The following EML4 variants were observed in gnomAD, a reference collection of about 807,000 sequenced individuals.
EML4 encodes EMAP like 4.
A neutral mutation model predicts 129.0 loss-of-function variants in EML4; 72 were observed. That is an observed-to-expected ratio of 0.56 (90% CI 0.46 to 0.68). The LOEUF (loss-of-function observed/expected upper bound fraction) is 0.68, where lower values mean the gene tolerates loss of function less well. Ranked by LOEUF, EML4 falls within the 30% of genes least tolerant of loss-of-function variation. The pLI is 0.00. For missense variants in EML4, 1,363 were observed against 1,190.6 expected, an observed-to-expected ratio of 1.14 and a Z score of -2.13; for synonymous variants, 532 against 405.0, an observed-to-expected ratio of 1.31 and a Z score of -3.77.
chr2:42,228,260 A>G lies in EML4; in HGVS notation c.26-17245A>G, dbSNP rs117826415. ...TATACATGGATTTATATACTTGAAA[A>G]TTGCTAAGAGAGTAGAAAGAATTCT... On this transcript the variant is annotated intron_variant, in intron 1 of 22. Transcript: ENST00000318522. 4.6e-5 allele frequency among the ~76,000 whole-genome samples: 7 copies of G among 152,252 alleles called. No homozygotes were observed. The East Asian group carries it at 1.4e-3, about 29-fold the overall frequency.
At chr2:42,280,132 C>T (rs561900800) in intron 6 of EML4, among the ~76,000 whole-genome samples, 1 of 152,238 alleles carries the variant, frequency 6.6e-6, no homozygotes, top group South Asian at 2.1e-4. Context: ...CATCCAGTAG[C>T]GTGGTAGACA....
At chr2:42,284,963 C>T (rs963535121) in intron 9 of EML4, among the ~76,000 whole-genome samples, 5 of 152,118 alleles carry the variant, frequency 3.3e-5, no homozygotes, top group Admixed American at 6.6e-5. Flanking sequence ...CTGATACGCT[C>T]GTTACATTTT....
At chr2:42,233,133 C>T (rs1482442610) in intron 1 of EML4, among the ~76,000 whole-genome samples, 1 of 152,118 alleles carries the variant, frequency 6.6e-6, no homozygotes, top group Non-Finnish European at 1.5e-5. Context: ...GTTCATAACT[C>T]CTCACATTTA....
chr2:42,272,170 A>C (rs1666409376), intron 6 of EML4, among the ~76,000 whole-genome samples: 1 of 151,916 alleles, frequency 6.6e-6, no homozygotes, highest in African/African-American at 2.4e-5. Context: ...TTCTAGAAGC[A>C]CTTTGAAAAG....
In EML4 at chr2:42,169,391, A is replaced by C. The variant is rs1353433924; in HGVS notation, c.-221A>C. ...CTGCTGCCTGGGAGGGAGGCCGGGC[A>C]GGCGGCTGAGCGGCGCGGCTCTCAA... On this transcript the variant is annotated 5_prime_UTR_variant, in exon 1 of 23. Coordinates refer to ENST00000318522, the MANE Select transcript of EML4 (RefSeq NM_019063.5). 1 of 340,556 alleles carries C rather than the reference A, an allele frequency of 2.9e-6. No individual in the cohort carries two copies. The highest frequency in any genetic ancestry group is 2.2e-5 in the African/African-American group (1 of 46,412). The allele number at this position is 340,556 out of a possible 1,614,324, so 21.1% of individuals were successfully genotyped here.
At chr2:42,256,686 A>G in intron 3 of EML4, 56 bp downstream of exon 3, 2 of 1,593,666 alleles carry the variant, frequency 1.3e-6, no homozygotes, top group Non-Finnish European at 8.6e-7. Flanking sequence ...TGAATGTGGT[A>G]GAGATCTCCC....
chr2:42,191,910 G>T (rs900466666), intron 1 of EML4, among the ~76,000 whole-genome samples: 2 of 152,076 alleles, frequency 1.3e-5, no homozygotes, highest in Admixed American at 6.5e-5. Context: ...TTGGGAGGCT[G>T]AGGTAGGTCA....
chr2:42,326,744 T>TGGTGACGTGCACCTGTAATCCC (rs1669828391), intron 21 of EML4, among the ~76,000 whole-genome samples: 1 of 152,078 alleles, frequency 6.6e-6, no homozygotes, highest in Non-Finnish European at 1.5e-5. Flanking sequence ...TAGCTGGGCG[T>TGGTGACGTGCACCTGTAATCCC]GGTGACGTGC....
rs577912328 is a variant in EML4, at chr2:42,255,443, T to C, written c.209-1058T>C. 6.6e-5 allele frequency among the ~76,000 whole-genome samples: 10 copies of C among 152,274 alleles called. No homozygotes were observed. The East Asian group carries it at 1.9e-3, about 29-fold the overall frequency. On this transcript the variant is annotated intron_variant, in intron 2 of 22. Coordinates refer to ENST00000318522, the MANE Select transcript of EML4 (RefSeq NM_019063.5). ...ATGTTTTGGAACTTGGTAGTGGTGA[T>C]GGTTGCACAACATTGTGAATATACT... is the stretch of plus-strand genomic sequence containing the variant.
In EML4 at chr2:42,331,567, A is replaced by AT. The variant is rs1208374237; in HGVS notation, c.*1367dup. ...TTGCTGCATTGTTTTGATACTTTCTATTTTTTTGGTCAAATCATGTTTAGA... is the reference window on the plus strand; with the variant it reads ...TTGCTGCATTGTTTTGATACTTTCTATTTTTTTTGGTCAAATCATGTTTAGA... On this transcript the variant is annotated 3_prime_UTR_variant, in exon 23 of 23. Transcript: ENST00000318522. The AT allele has an allele frequency of 8.9e-6, 2 of 223,610 alleles. No individual in the cohort carries two copies. The highest frequency in any genetic ancestry group is 6.5e-5 in the East Asian group (1 of 15,276). 13.9% of individuals were successfully genotyped at this position (223,610 alleles called of 1,614,324 possible).
intron 2 of EML4, among the ~76,000 whole-genome samples, chr2:42,249,554 T>A (rs965522075): frequency 2.6e-5 from 4 of 152,200 alleles, no homozygotes; most frequent in Admixed American, 2.0e-4. Context: ...ACATAAGTTG[T>A]CATCAGATAT....
At chr2:42,285,744 G>A (rs1006084633) in intron 9 of EML4, among the ~76,000 whole-genome samples, 2 of 151,882 alleles carry the variant, frequency 1.3e-5, no homozygotes, top group East Asian at 1.9e-4. Context: ...GACTACAGGC[G>A]CGTACTACCA....
chr2:42,211,135 C>G (rs983608155), intron 1 of EML4, among the ~76,000 whole-genome samples: 1 of 152,078 alleles, frequency 6.6e-6, no homozygotes, highest in Admixed American at 6.6e-5. Flanking sequence ...GCTTGGTGTA[C>G]CTACCACAGT....
chr2:42,299,517 T>C (rs974992202), intron 13 of EML4, among the ~76,000 whole-genome samples: 3 of 152,168 alleles, frequency 2.0e-5, no homozygotes, highest in African/African-American at 7.2e-5. Flanking sequence ...AAAGAAAGCC[T>C]GTACCCATTA....
rs966705363 is a variant in EML4, at chr2:42,272,585, G to A, written c.667+7854G>A. Among the ~76,000 whole-genome samples, 17 of 152,168 alleles carry A rather than the reference G, an allele frequency of 1.1e-4. No homozygotes were observed. The South Asian group carries it at 3.3e-3, about 30-fold the overall frequency. ...GACATGAGCCACTGTGCCCGGCCTG[G>A]ACAGCACAGATTTCTAACTATGAAA... On this transcript the variant is annotated intron_variant, in intron 6 of 22. Coordinates refer to ENST00000318522, the MANE Select transcript of EML4 (RefSeq NM_019063.5).
At chr2:42,279,384 C>T (rs1401762065) in intron 6 of EML4, among the ~76,000 whole-genome samples, 2 of 151,576 alleles carry the variant, frequency 1.3e-5, no homozygotes, top group African/African-American at 2.4e-5. Context: ...CTTTCCATAG[C>T]GACTATACCA....
intron 6 of EML4, among the ~76,000 whole-genome samples, chr2:42,273,452 T>G (rs778175646): frequency 1.3e-5 from 2 of 152,178 alleles, no homozygotes; most frequent in Non-Finnish European, 2.9e-5. Context: ...TAAAGGAGTT[T>G]AGGTTCAAGA....
At chr2:42,218,228 C>A (rs914474401) in intron 1 of EML4, among the ~76,000 whole-genome samples, 3 of 152,126 alleles carry the variant, frequency 2.0e-5, no homozygotes, top group African/African-American at 7.2e-5. Context: ...TGCAAGGGAT[C>A]TCGGTTGCTC....
intron 2 of EML4, among the ~76,000 whole-genome samples, chr2:42,248,556 T>C (rs189562444): frequency 4.4e-4 from 67 of 152,316 alleles, no homozygotes; most frequent in Admixed American, 4.2e-3. Context: ...ATAATTCCTA[T>C]GTCTCTAAAG....
Sources: allele counts gnomAD v4.1 joint callset (sites outside exome capture counted in the v4.1 genomes callset), GRCh38; gene constraint gnomAD v4.1.1; transcripts MANE v1.5; gene names NCBI Gene and HGNC (gene_info 2026-07-23, HGNC 2026-07-21).